The following ERBB4 variants were observed in gnomAD, a reference collection of about 807,000 sequenced individuals.
ERBB4 encodes receptor tyrosine-protein kinase erbB-4.
A neutral mutation model predicts 158.0 loss-of-function variants in ERBB4; 42 were observed. The observed-to-expected ratio is 0.27, with a 90% CI of 0.21 to 0.34. ERBB4 has a LOEUF of 0.34. Ranked by LOEUF, ERBB4 falls within the 10% of genes least tolerant of loss-of-function variation. The probability of loss-of-function intolerance (pLI) is 1.00; values close to 1 mark genes in which losing one functional copy is unlikely to be tolerated. For missense variants in ERBB4, 1,333 were observed against 1,624.1 expected, an observed-to-expected ratio of 0.82 and a Z score of 3.08; for synonymous variants, 583 against 558.7, an observed-to-expected ratio of 1.04 and a Z score of -0.61.
intron 1 of ERBB4, among the ~76,000 whole-genome samples, chr2:212,423,466 A>C (rs2091842886): frequency 6.6e-6 from 1 of 152,228 alleles, no homozygotes; most frequent in African/African-American, 2.4e-5. Context: ...ATGCATCTTC[A>C]GGGAGAAAAT....
chr2:211,429,574 A>G (rs2063706690), intron 21 of ERBB4, among the ~76,000 whole-genome samples: 1 of 152,192 alleles, frequency 6.6e-6, no homozygotes, highest in Non-Finnish European at 1.5e-5. Context: ...ATAGCTGGGA[A>G]TATAATTAGA....
chr2:212,474,656 A>C (rs763808793), intron 1 of ERBB4, among the ~76,000 whole-genome samples: 1 of 151,908 alleles, frequency 6.6e-6, no homozygotes, highest in South Asian at 2.1e-4. Flanking sequence ...TGACCCACTC[A>C]TCTACTTTAT....
At chr2:212,029,297 T>A (rs1426939450) in intron 2 of ERBB4, among the ~76,000 whole-genome samples, 1 of 152,038 alleles carries the variant, frequency 6.6e-6, no homozygotes, top group African/African-American at 2.4e-5. Flanking sequence ...TTCTTCTACC[T>A]CCATCTTGCC....
intron 1 of ERBB4, among the ~76,000 whole-genome samples, chr2:212,395,839 G>A (rs180980634): frequency 1.1e-4 from 16 of 152,032 alleles, no homozygotes; most frequent in East Asian, 1.9e-4. Context: ...GGATGGTCTC[G>A]ATCTCTTGAC....
chr2:211,958,989 C>G (rs866553325), intron 2 of ERBB4, among the ~76,000 whole-genome samples: 17 of 152,084 alleles, frequency 1.1e-4, no homozygotes, highest in Middle Eastern at 6.8e-3. Context: ...AAATGAGATT[C>G]TGTTCATAAA....
chr2:212,521,099 G>T (rs1162986464), intron 1 of ERBB4, among the ~76,000 whole-genome samples: 1 of 151,874 alleles, frequency 6.6e-6, no homozygotes. Flanking sequence ...CATTGTTTTA[G>T]TTGTGTCCTA....
rs904664020 is a variant in ERBB4, at chr2:211,723,459, A to T, written c.742-925T>A. ...AAGCTATGATTTACATTTAATCATA[A>T]ATAGTACATATGGTTATTAATAAGC... is the stretch of plus-strand genomic sequence containing the variant. On this transcript the variant is annotated intron_variant, in intron 6 of 27. Transcript: ENST00000342788. Among the ~76,000 whole-genome samples, 4 of 152,292 alleles carry T rather than the reference A, an allele frequency of 2.6e-5. No individual in the cohort carries two copies. The South Asian group carries it at 8.3e-4, about 32-fold the overall frequency.
At chr2:211,385,763 G>T (rs191224798) in intron 27 of ERBB4, among the ~76,000 whole-genome samples, 1 of 152,066 alleles carries the variant, frequency 6.6e-6, no homozygotes, top group East Asian at 1.9e-4. Flanking sequence ...CTTATATATT[G>T]TCCTCATGCA....
At chr2:212,101,117 T>C (rs2079068914) in intron 2 of ERBB4, among the ~76,000 whole-genome samples, 1 of 152,008 alleles carries the variant, frequency 6.6e-6, no homozygotes, top group Non-Finnish European at 1.5e-5. Flanking sequence ...TTTATCCACA[T>C]ATGAAACTTA....
intron 20 of ERBB4, among the ~76,000 whole-genome samples, chr2:211,457,056 T>A (rs971234508): frequency 2.6e-5 from 4 of 152,332 alleles, no homozygotes; most frequent in African/African-American, 9.6e-5. Flanking sequence ...TTAATCTTTT[T>A]AACAACTATT....
intron 1 of ERBB4, among the ~76,000 whole-genome samples, chr2:212,375,381 G>A (rs115112990): frequency 2.3e-4 from 35 of 152,210 alleles, no homozygotes; most frequent in African/African-American, 8.4e-4. Context: ...ATGAAGAACA[G>A]TTACTTGATA....
At chr2:212,333,515 C>G (rs1248922542) in intron 1 of ERBB4, among the ~76,000 whole-genome samples, 2 of 142,778 alleles carry the variant, frequency 1.4e-5, no homozygotes, top group Non-Finnish European at 3.0e-5. Context: ...CCAGTCTCTA[C>G]AGAAAAAATA....
chr2:211,871,140 A>T lies in ERBB4; in HGVS notation c.421+76290T>A, dbSNP rs190738246. Reference sequence around the variant, plus strand: ...TTAAACTGTGGAAAGGCAGATTATCAGGGAACATAACACCAGAAAAGAGGA... The same window carrying T: ...TTAAACTGTGGAAAGGCAGATTATCTGGGAACATAACACCAGAAAAGAGGA... On this transcript the variant is annotated intron_variant, in intron 3 of 27. Coordinates refer to ENST00000342788, the MANE Select transcript of ERBB4 (RefSeq NM_005235.3). 5.1e-4 allele frequency among the ~76,000 whole-genome samples: 78 copies of T among 152,264 alleles called. 1 individual carries two copies. Among genetic ancestry groups the T allele is most frequent in the African/African-American group, 1.6e-3 (68 of 41,566 alleles).
chr2:212,380,456 C>CTGTGTGTGTG (rs6147158), intron 1 of ERBB4, among the ~76,000 whole-genome samples: 4,772 of 143,034 alleles, frequency 0.033, 100 homozygotes, highest in African/African-American at 0.058. Context: ...AGGAATGACT[C>CTGTGTGTGTG]TGTGTGTGTG....
At position 212,022,414 on chromosome 2, in the gene ERBB4, C is replaced by T. The variant is rs187954206; in HGVS notation, c.235-74798G>A. On this transcript the variant is annotated intron_variant, in intron 2 of 27. Coordinates refer to ENST00000342788, the MANE Select transcript of ERBB4 (RefSeq NM_005235.3). ...GGATGAAGCTGGAAGCCATTATCCT[C>T]ACCAAATTAAAGCAGGAACAGAAAA... is the stretch of plus-strand genomic sequence containing the variant. Among the ~76,000 whole-genome samples, 15 of 152,202 alleles carry T rather than the reference C, an allele frequency of 9.9e-5. No homozygotes were observed. In the East Asian group the frequency reaches 2.9e-3, roughly 29 times the overall value.
intron 2 of ERBB4, among the ~76,000 whole-genome samples, chr2:211,949,888 T>C (rs947340457): frequency 6.6e-6 from 1 of 152,174 alleles, no homozygotes; most frequent in Non-Finnish European, 1.5e-5. Flanking sequence ...CACTATATCA[T>C]TCATACATTT....
chr2:211,499,929 C>T (rs12105797), intron 20 of ERBB4, among the ~76,000 whole-genome samples: 60,308 of 151,766 alleles, frequency 0.4, 12,644 homozygotes, highest in African/African-American at 0.53. Context: ...GGCACTGTGA[C>T]TATCCTGCAT....
chr2:212,001,428 G>A (rs1336820828), intron 2 of ERBB4, among the ~76,000 whole-genome samples: 1 of 152,044 alleles, frequency 6.6e-6, no homozygotes, highest in Non-Finnish European at 1.5e-5. Flanking sequence ...ACTTGCTCCA[G>A]GAGAATAATA....
intron 19 of ERBB4, among the ~76,000 whole-genome samples, chr2:211,586,421 G>T (rs2068280267): frequency 6.6e-6 from 1 of 152,106 alleles, no homozygotes; most frequent in African/African-American, 2.4e-5. Flanking sequence ...TTCAAAATAA[G>T]GGAATTCACG....
Sources: allele counts gnomAD v4.1 joint callset (sites outside exome capture counted in the v4.1 genomes callset), GRCh38; gene constraint gnomAD v4.1.1; transcripts MANE v1.5; gene names NCBI Gene and HGNC (gene_info 2026-07-23, HGNC 2026-07-21).